Variants in CELF2 observed in about 807,000 individuals in gnomAD.
The protein encoded by CELF2 is CUG triplet repeat RNA-binding protein 2.
Under a neutral mutation model 62.6 loss-of-function variants are expected in CELF2, and 8 were observed. That is an observed-to-expected ratio of 0.13 (90% CI 0.07 to 0.23). The LOEUF is 0.23. Ranked by LOEUF, CELF2 falls within the 10% of genes least tolerant of loss-of-function variation. The pLI is 1.00. For synonymous variants in CELF2, 258 were observed against 250.0 expected (o/e 1.03, Z -0.30); for missense variants, 333 against 671.0 (o/e 0.50, Z 5.56).
intron 1 of CELF2, among the ~76,000 whole-genome samples, chr10:11,049,867 C>A (rs1680011113): frequency 6.6e-6 from 1 of 152,198 alleles, no homozygotes; most frequent in South Asian, 2.1e-4. Context: ...GTCATTCATG[C>A]ATCCTCAGAA....
intron 2 of CELF2, among the ~76,000 whole-genome samples, chr10:11,189,353 G>A (rs1049835610): frequency 6.6e-6 from 1 of 152,086 alleles, no homozygotes; most frequent in African/African-American, 2.4e-5. Flanking sequence ...TGCATTTATT[G>A]TACACAGCAG....
chr10:10,847,476 A>T (rs923996397), intron 1 of CELF2, among the ~76,000 whole-genome samples: 12 of 152,182 alleles, frequency 7.9e-5, no homozygotes, highest in Non-Finnish European at 4.4e-5. Flanking sequence ...GAAGAAATGC[A>T]TGCTCGTCCT....
At chr10:10,739,666 A>G in the CELF2 span, among the ~76,000 whole-genome samples, 1 of 152,200 alleles carries the variant, frequency 6.6e-6, no homozygotes, top group African/African-American at 2.4e-5. Context: ...TCCAGAAAGC[A>G]ATCCAGGATC....
At chr10:10,865,339 A>G (rs1357310229) in intron 1 of CELF2, among the ~76,000 whole-genome samples, 1 of 152,222 alleles carries the variant, frequency 6.6e-6, no homozygotes, top group Non-Finnish European at 1.5e-5. Flanking sequence ...TCTCGCAAAA[A>G]TATCAACCTG....
At chr10:11,131,303 C>T (rs1374101486) in intron 1 of CELF2, among the ~76,000 whole-genome samples, 2 of 152,182 alleles carry the variant, frequency 1.3e-5, no homozygotes, top group Non-Finnish European at 2.9e-5. Context: ...GCAAGAAGCA[C>T]GAGGACTCCT....
At chr10:10,534,567 G>T in the CELF2 span, among the ~76,000 whole-genome samples, 1 of 152,164 alleles carries the variant, frequency 6.6e-6, no homozygotes, top group Admixed American at 6.5e-5. Context: ...TCTTATGATG[G>T]CTTACTAAAT....
At chr10:10,710,026 G>A in the CELF2 span, among the ~76,000 whole-genome samples, 24 of 152,296 alleles carry the variant, frequency 1.6e-4, no homozygotes, top group Middle Eastern at 6.8e-3. Flanking sequence ...TTTCCCTGGT[G>A]GCTCTTGGAT....
intron 4 of CELF2, among the ~76,000 whole-genome samples, chr10:11,256,350 G>A (rs1360551697): frequency 3.9e-5 from 6 of 152,178 alleles, no homozygotes; most frequent in Non-Finnish European, 7.3e-5. Flanking sequence ...GCGTCCAGAA[G>A]GAACTGGCCC....
chr10:11,095,592 C>T (rs1459736125), intron 1 of CELF2, among the ~76,000 whole-genome samples: 1 of 152,206 alleles, frequency 6.6e-6, no homozygotes, highest in Non-Finnish European at 1.5e-5. Flanking sequence ...ACATTTTTAA[C>T]TGTAACAATG....
In CELF2 at chr10:11,270,459, A is replaced by G. The variant is rs558496781; in HGVS notation, c.619-207A>G. Among the ~76,000 whole-genome samples, 51 of 152,338 alleles carry G rather than the reference A, an allele frequency of 3.3e-4. 1 individual carries two copies. In the South Asian group the frequency reaches 9.9e-3, roughly 30 times the overall value. On this transcript the variant is annotated intron_variant, in intron 6 of 12. Coordinates refer to ENST00000633077, the MANE Select transcript of CELF2 (RefSeq NM_001326342.2). This position sits in a 1 kb window ranked among gnomAD's most constrained non-coding sequence, Gnocchi z 5.8. ...AGCAAGTGACTTCACCGACCACCAGATCCCCCAAAGAAACCACTGGCAGTG... is the reference window on the plus strand; with the variant it reads ...AGCAAGTGACTTCACCGACCACCAGGTCCCCCAAAGAAACCACTGGCAGTG...
rs55729968 is a variant in CELF2 at position 10,806,218 on chromosome 10, T to TTC, written c.53+7401_53+7402insTC. Among the ~76,000 whole-genome samples, 6 of 151,218 alleles carry TTC rather than the reference T, an allele frequency of 4.0e-5. No homozygotes were observed. The South Asian group carries it at 8.4e-4, about 21-fold the overall frequency. ...TTCCAGTGTTCTTTTTTTTTTTTTTTCTTTTGAGATGGAGTCTCACTCTGT... is the reference window on the plus strand; with the variant it reads ...TTCCAGTGTTCTTTTTTTTTTTTTTTTCCTTTTGAGATGGAGTCTCACTCTGT... On this transcript the variant is annotated intron_variant, in intron 1 of 13. Transcript: ENST00000636488.
chr10:11,307,315 G>A (rs906713541), intron 9 of CELF2, among the ~76,000 whole-genome samples: 2 of 152,254 alleles, frequency 1.3e-5, no homozygotes, highest in Non-Finnish European at 2.9e-5. Context: ...CATAGGAAGA[G>A]AAAGGTTACA....
At chr10:11,312,322 GAAT>G (rs1011479191) in intron 9 of CELF2, among the ~76,000 whole-genome samples, 1 of 152,160 alleles carries the variant, frequency 6.6e-6, no homozygotes, top group Non-Finnish European at 1.5e-5. Flanking sequence ...AAAGAAGAAT[GAAT>G]AATAAGCAAA....
At position 11,110,424 on chromosome 10, in the gene CELF2, G is replaced by T. The variant is rs78175419; in HGVS notation, c.75-55062G>T. Among the ~76,000 whole-genome samples, 13,084 of 152,180 alleles carry T rather than the reference G, an allele frequency of 0.086. 683 individuals are homozygous for T. Among genetic ancestry groups the T allele is most frequent in the African/African-American group, 0.14 (5,825 of 41,522 alleles). On this transcript the variant is annotated intron_variant, in intron 1 of 12. Transcript: ENST00000633077. The surrounding 1 kb of genome is among the most constrained non-coding windows in gnomAD (Gnocchi z 4.0). The stretch of plus-strand genomic sequence containing the variant: ...ATGAAGTTTTAGGAAGCCATCTAAC[G>T]CTTAGTACTTCTTTTCCCATCTCCT...
intron 2 of CELF2, among the ~76,000 whole-genome samples, chr10:10,975,097 C>T (rs2136252866): frequency 6.6e-6 from 1 of 152,150 alleles, no homozygotes; most frequent in Non-Finnish European, 1.5e-5. Flanking sequence ...CTCTCACTTC[C>T]TTTGTGGCTA....
chr10:11,229,973 C>T lies in CELF2; in HGVS notation c.354+12466C>T, dbSNP rs145613081. On this transcript the variant is annotated intron_variant, in intron 3 of 12. Transcript: ENST00000633077. The stretch of plus-strand genomic sequence containing the variant: ...TTAAGAGAATGAACCAATGTTGACC[C>T]CAAGGGCTAGGTGGTGGTGACATAA... 7.5e-3 allele frequency among the ~76,000 whole-genome samples: 1,142 copies of T among 152,260 alleles called. 10 individuals carry two copies. Among genetic ancestry groups the T allele is most frequent in the South Asian group, 0.021 (99 of 4,818 alleles).
chr10:11,020,431 T>TG (rs2058124500), intron 1 of CELF2, among the ~76,000 whole-genome samples: 2 of 152,228 alleles, frequency 1.3e-5, no homozygotes, highest in East Asian at 1.9e-4. Context: ...TAGAGGTGTG[T>TG]GGGGGGGAAT....
chr10:11,185,424 C>T (rs2074598691), intron 2 of CELF2, among the ~76,000 whole-genome samples: 2 of 152,150 alleles, frequency 1.3e-5, no homozygotes, highest in South Asian at 2.1e-4. Context: ...GCTGCACCCA[C>T]TGCCCCCAAG....
chr10:10,884,909 T>C (rs962035217), intron 1 of CELF2, among the ~76,000 whole-genome samples: 1 of 152,236 alleles, frequency 6.6e-6, no homozygotes, highest in Non-Finnish European at 1.5e-5. Context: ...ATGGCATTTA[T>C]CTAGCACATG....
Sources: gnomAD v4.1 joint callset for allele counts (sites outside exome capture counted in the v4.1 genomes callset) on GRCh38, gnomAD v4.1.1 for gene constraint, Gnocchi (gnomAD v3.1) non-coding constraint, MANE v1.5 for transcripts, NCBI Gene and HGNC (gene_info 2026-07-23, HGNC 2026-07-21) for gene names.